GRM7: variants seen among roughly 807,000 people sequenced by gnomAD.
GRM7 encodes glutamate metabotropic receptor 7.
A neutral mutation model predicts 84.5 loss-of-function variants in GRM7; 35 were observed. The observed-to-expected ratio is 0.41, with a 90% confidence interval of 0.32 to 0.55. The LOEUF is 0.55. GRM7 is among the 20% of genes least tolerant of loss of function. The pLI, the probability that GRM7 is intolerant of heterozygous loss-of-function variation, is 0.19. For missense variants in GRM7, 1,003 were observed against 1,194.6 expected (o/e 0.84, Z 2.36); for synonymous variants, 487 against 455.1 (o/e 1.07, Z -0.89).
intron 1 of GRM7, among the ~76,000 whole-genome samples, chr3:7,103,272 G>C (rs1416273535): frequency 2.0e-5 from 3 of 151,690 alleles, no homozygotes; most frequent in Non-Finnish European, 4.4e-5. Context: ...CTGTCTTTTA[G>C]TCTGAGAGTG....
chr3:7,693,104 A>C (rs1018186324), intron 9 of GRM7, among the ~76,000 whole-genome samples: 4 of 152,122 alleles, frequency 2.6e-5, no homozygotes, highest in Non-Finnish European at 5.9e-5. Context: ...ATGGTCTGCT[A>C]GAACGGAAAT....
intron 1 of GRM7, among the ~76,000 whole-genome samples, chr3:7,047,925 G>T (rs1324136436): frequency 6.6e-6 from 1 of 151,894 alleles, no homozygotes; most frequent in Non-Finnish European, 1.5e-5. Context: ...TTAGATGCCT[G>T]GTGCTTTATT....
At chr3:7,058,145 A>G (rs1278051805) in intron 1 of GRM7, among the ~76,000 whole-genome samples, 1 of 151,902 alleles carries the variant, frequency 6.6e-6, no homozygotes, top group Admixed American at 6.6e-5. Context: ...GGCCTATTTG[A>G]GATGATTGAC....
intron 1 of GRM7, among the ~76,000 whole-genome samples, chr3:6,868,902 T>A (rs1004791614): frequency 6.6e-6 from 1 of 152,174 alleles, no homozygotes; most frequent in African/African-American, 2.4e-5. Flanking sequence ...ATTCTCCATC[T>A]TTGGGTGTTG....
chr3:7,539,231 A>G (rs1332143573), intron 7 of GRM7, among the ~76,000 whole-genome samples: 1 of 152,126 alleles, frequency 6.6e-6, no homozygotes, highest in East Asian at 1.9e-4. Flanking sequence ...TCATCCTAGC[A>G]TTTATTCCCC....
At chr3:7,360,378 AT>A (rs1693609134) in intron 4 of GRM7, among the ~76,000 whole-genome samples, 1 of 125,408 alleles carries the variant, frequency 8.0e-6, no homozygotes, top group Non-Finnish European at 1.7e-5. Flanking sequence ...ATAAAAACGT[AT>A]TCTCTAAGGA....
chr3:7,208,064 A>G (rs1696297084), intron 2 of GRM7, among the ~76,000 whole-genome samples: 1 of 152,210 alleles, frequency 6.6e-6, no homozygotes, highest in South Asian at 2.1e-4. Flanking sequence ...GAAGGTGCTT[A>G]GAAAAAGACA....
chr3:7,696,059 T>C (rs1448250924), intron 9 of GRM7, among the ~76,000 whole-genome samples: 3 of 152,108 alleles, frequency 2.0e-5, no homozygotes, highest in Non-Finnish European at 2.9e-5. Flanking sequence ...AAAAATTAAA[T>C]AGCACTGAGC....
At chr3:7,636,219 T>C (rs760697066) in intron 8 of GRM7, 4 of 456,596 alleles carry the variant, frequency 8.8e-6, no homozygotes, top group Admixed American at 2.3e-5. Context: ...AGCCTCAATT[T>C]CTTTGTAATG....
At chr3:6,951,908 C>T (rs1233706416) in intron 1 of GRM7, among the ~76,000 whole-genome samples, 1 of 152,090 alleles carries the variant, frequency 6.6e-6, no homozygotes, top group Non-Finnish European at 1.5e-5. Flanking sequence ...CTATTATGTC[C>T]TCTTGATAAA....
intron 2 of GRM7, among the ~76,000 whole-genome samples, chr3:7,288,370 A>C (rs1699503420): frequency 6.6e-6 from 1 of 152,066 alleles, no homozygotes; most frequent in Non-Finnish European, 1.5e-5. Flanking sequence ...CATTGATAGG[A>C]ATGTGATGCA....
chr3:6,885,181 G>C (rs79398493), intron 1 of GRM7, among the ~76,000 whole-genome samples: 7,227 of 152,186 alleles, frequency 0.047, 192 homozygotes, highest in African/African-American at 0.049. Flanking sequence ...CAATTTCAAA[G>C]GCAAGCCAGT....
chr3:7,605,239 T>C (rs1241830997), intron 8 of GRM7, among the ~76,000 whole-genome samples: 1 of 152,170 alleles, frequency 6.6e-6, no homozygotes, highest in East Asian at 1.9e-4. Flanking sequence ...AAAAGCTCTC[T>C]GTAGATGACA....
Position 7,471,813 on chromosome 3 carries a change from T to A in GRM7, c.1515+10091T>A, listed in dbSNP as rs1046490840. Among the ~76,000 whole-genome samples, 16 of 152,236 alleles carry A rather than the reference T, an allele frequency of 1.1e-4. No homozygotes were observed. In the East Asian group the frequency reaches 3.1e-3, roughly 29 times the overall value. On this transcript the variant is annotated intron_variant, in intron 7 of 9. Coordinates refer to ENST00000357716, the MANE Select transcript of GRM7 (RefSeq NM_000844.4). ...TATTTTGCCTACCATAGTTCTTTAC[T>A]GTATTTAATAACTTTGTTTTTCTGG...
intron 4 of GRM7, among the ~76,000 whole-genome samples, chr3:7,348,143 C>A (rs1448878774): frequency 6.6e-6 from 1 of 152,120 alleles, no homozygotes; most frequent in Non-Finnish European, 1.5e-5. Context: ...CTTTTATCGG[C>A]CTAGGTCATC....
intron 9 of GRM7, among the ~76,000 whole-genome samples, chr3:7,693,215 C>A (rs897809975): frequency 2.6e-5 from 4 of 152,058 alleles, no homozygotes; most frequent in African/African-American, 9.7e-5. Context: ...AACGATGAGT[C>A]TTCATATACA....
chr3:7,354,921 C>G (rs1693325004), intron 4 of GRM7, among the ~76,000 whole-genome samples: 1 of 152,190 alleles, frequency 6.6e-6, no homozygotes, highest in Admixed American at 6.5e-5. Flanking sequence ...GGTATATCAA[C>G]TCTTCAGCTC....
At chr3:7,681,337 T>C (rs1345867874) in intron 9 of GRM7, 1 of 152,192 alleles carries the variant, frequency 6.6e-6, no homozygotes, top group Non-Finnish European at 1.5e-5. Context: ...GAAGTCTCAA[T>C]TTTAAGTACT....
At chr3:7,597,190 A>T (rs931051293) in intron 8 of GRM7, among the ~76,000 whole-genome samples, 6 of 152,018 alleles carry the variant, frequency 3.9e-5, no homozygotes, top group Admixed American at 6.6e-5. Flanking sequence ...GACGAGGGGG[A>T]CGTAGGCATC....
Sources: allele counts gnomAD v4.1 joint callset (sites outside exome capture counted in the v4.1 genomes callset), GRCh38; gene constraint gnomAD v4.1.1; transcripts MANE v1.5; gene names NCBI Gene and HGNC (gene_info 2026-07-23, HGNC 2026-07-21).